Variants in CNTNAP2 observed in about 807,000 individuals in gnomAD.
CNTNAP2 encodes the protein contactin associated protein 2.
CNTNAP2 carries 98 observed loss-of-function variants against 155.2 expected under a neutral mutation model. That is an observed-to-expected ratio of 0.63 (90% CI 0.54 to 0.75). The LOEUF (loss-of-function observed/expected upper bound fraction) is 0.75, where lower values mean the gene tolerates loss of function less well. CNTNAP2 is among the 30% of genes least tolerant of loss of function. The pLI is 0.00. For missense variants in CNTNAP2, 1,727 were observed against 1,688.1 expected (o/e 1.02, Z -0.40); for synonymous variants, 651 against 631.2 (o/e 1.03, Z -0.47).
intron 10 of CNTNAP2, among the ~76,000 whole-genome samples, chr7:147,465,507 C>T (rs1016381848): frequency 3.3e-5 from 5 of 152,000 alleles, no homozygotes; most frequent in Non-Finnish European, 7.4e-5. Flanking sequence ...ATTGTGTTCT[C>T]ATAGGGAGAT....
Position 147,937,044 on chromosome 7 carries a change from TCAC to T in CNTNAP2, c.2255+33345_2255+33347del, listed in dbSNP as rs151046019. On this transcript the variant is annotated intron_variant, in intron 14 of 23. Coordinates refer to ENST00000361727, the MANE Select transcript of CNTNAP2 (RefSeq NM_014141.6). ...TGGTGGTCAAGAGACCCTCACCCCC[TCAC>T]CACCACCACCACCACCACCACGATT... Among the ~76,000 whole-genome samples the T allele has an allele frequency of 5.0e-3, 749 of 150,376 alleles. 2 individuals are homozygous for T. The highest frequency in any genetic ancestry group is 9.4e-3 in the Admixed American group (141 of 15,052).
intron 1 of CNTNAP2, among the ~76,000 whole-genome samples, chr7:146,737,448 G>A (rs569605578): frequency 2.8e-4 from 42 of 152,046 alleles, no homozygotes; most frequent in African/African-American, 9.9e-4. Flanking sequence ...CCTAGCCCCT[G>A]GTAACCAGCA....
intron 6 of CNTNAP2, among the ~76,000 whole-genome samples, chr7:147,125,177 G>C (rs1801207968): frequency 6.6e-6 from 1 of 151,966 alleles, no homozygotes; most frequent in African/African-American, 2.4e-5. Context: ...ACCCCACCCA[G>C]CCCTAATTTT....
chr7:147,411,199 C>T (rs1797096219), intron 10 of CNTNAP2, among the ~76,000 whole-genome samples: 2 of 152,094 alleles, frequency 1.3e-5, no homozygotes, highest in Admixed American at 6.5e-5. Flanking sequence ...TGTTGGTTTT[C>T]TCCCAGAATA....
At chr7:147,408,219 C>T (rs779275333) in intron 10 of CNTNAP2, among the ~76,000 whole-genome samples, 9 of 152,134 alleles carry the variant, frequency 5.9e-5, no homozygotes, top group African/African-American at 1.9e-4. Flanking sequence ...AACACACAAA[C>T]GCCAAAATCA....
intron 2 of CNTNAP2, among the ~76,000 whole-genome samples, chr7:146,824,789 T>C (rs1205764131): frequency 6.6e-6 from 1 of 151,946 alleles, no homozygotes; most frequent in African/African-American, 2.4e-5. Flanking sequence ...GTGGTGGTCA[T>C]AAAGATGTGG....
intron 1 of CNTNAP2, among the ~76,000 whole-genome samples, chr7:146,463,021 C>T (rs1796660863): frequency 6.6e-6 from 1 of 152,012 alleles, no homozygotes; most frequent in Admixed American, 6.6e-5. Context: ...GGTAGGCCTA[C>T]ACTCCAGTTC....
chr7:147,354,193 G>T (rs898433856), intron 9 of CNTNAP2, among the ~76,000 whole-genome samples: 1 of 152,038 alleles, frequency 6.6e-6, no homozygotes, highest in African/African-American at 2.4e-5. Context: ...TGGTGTTTTG[G>T]TCATGAAGTC....
chr7:148,195,369 A>G (rs907586494), intron 18 of CNTNAP2, among the ~76,000 whole-genome samples: 1 of 152,118 alleles, frequency 6.6e-6, no homozygotes, highest in Non-Finnish European at 1.5e-5. Flanking sequence ...CCATCTCTGA[A>G]AAAAATAGGA....
chr7:146,824,470 T>G (rs528192545), intron 2 of CNTNAP2, among the ~76,000 whole-genome samples: 1 of 152,274 alleles, frequency 6.6e-6, no homozygotes, highest in East Asian at 1.9e-4. Context: ...CACACTGTGT[T>G]CCACAATGGT....
intron 3 of CNTNAP2, among the ~76,000 whole-genome samples, chr7:147,017,720 TA>T (rs991901132): frequency 2.7e-5 from 4 of 149,202 alleles, no homozygotes; most frequent in East Asian, 2.1e-4. Context: ...TTCAAAATGT[TA>T]AAAAAATGAT....
At chr7:147,387,077 C>T in intron 9 of CNTNAP2, among the ~76,000 whole-genome samples, 1 of 152,054 alleles carries the variant, frequency 6.6e-6, no homozygotes, top group East Asian at 1.9e-4. Flanking sequence ...ACGGGAATAG[C>T]ACAGGAAAGA....
chr7:146,303,836 C>T (rs1172253013), intron 1 of CNTNAP2, among the ~76,000 whole-genome samples: 1 of 152,098 alleles, frequency 6.6e-6, no homozygotes, highest in African/African-American at 2.4e-5. Context: ...AACTTTCTGT[C>T]TCGTTGATCT....
At chr7:147,892,865 A>G (rs1799716462) in intron 13 of CNTNAP2, among the ~76,000 whole-genome samples, 1 of 152,224 alleles carries the variant, frequency 6.6e-6, no homozygotes, top group Non-Finnish European at 1.5e-5. Flanking sequence ...GTGTAATTCT[A>G]AAAGATACAA....
intron 11 of CNTNAP2, among the ~76,000 whole-genome samples, chr7:147,488,045 G>A (rs1380474368): frequency 1.4e-5 from 1 of 69,790 alleles, no homozygotes. Context: ...GAGAGGGTTG[G>A]CTGGTGACTT....
At chr7:148,157,890 A>G (rs1266547294) in intron 17 of CNTNAP2, among the ~76,000 whole-genome samples, 2 of 152,248 alleles carry the variant, frequency 1.3e-5, no homozygotes. Context: ...AATCGACCAT[A>G]TGCAAAGCAA....
At chr7:147,597,995 T>A (rs891579496) in intron 12 of CNTNAP2, among the ~76,000 whole-genome samples, 1 of 152,152 alleles carries the variant, frequency 6.6e-6, no homozygotes, top group African/African-American at 2.4e-5. Context: ...CTGGGGTTGC[T>A]GGGACCACTT....
intron 1 of CNTNAP2, among the ~76,000 whole-genome samples, chr7:146,389,162 T>A (rs931720276): frequency 2.6e-5 from 4 of 151,808 alleles, no homozygotes; most frequent in African/African-American, 9.7e-5. Flanking sequence ...TTTTCAGACA[T>A]CAATATAGCA....
chr7:147,132,762 T>C (rs1464805250), intron 8 of CNTNAP2, among the ~76,000 whole-genome samples: 1 of 152,138 alleles, frequency 6.6e-6, no homozygotes, highest in East Asian at 1.9e-4. Flanking sequence ...TTACCAATGC[T>C]AGTTTATTTT....
Sources: allele counts gnomAD v4.1 joint callset (sites outside exome capture counted in the v4.1 genomes callset), GRCh38; gene constraint gnomAD v4.1.1; transcripts MANE v1.5; gene names NCBI Gene and HGNC (gene_info 2026-07-23, HGNC 2026-07-21).